The following RNF152 variants were observed in gnomAD, a reference collection of about 807,000 sequenced individuals.
RNF152 encodes ring finger protein 152, also known as E3 ubiquitin-protein ligase RNF152.
In RNF152, 11 loss-of-function variants were observed where a neutral mutation model predicts 12.7. The observed-to-expected ratio is 0.86, with a 90% confidence interval of 0.54 to 1.43. The LOEUF (loss-of-function observed/expected upper bound fraction) is 1.43, where lower values mean the gene tolerates loss of function less well. Ranked by LOEUF, RNF152 falls within the 40% of genes most tolerant of loss-of-function variation. The pLI, the probability that RNF152 is intolerant of heterozygous loss-of-function variation, is 0.00. For synonymous variants in RNF152, 113 were observed against 120.3 expected, an observed-to-expected ratio of 0.94 and a Z score of 0.40; for missense variants, 255 against 274.8, an observed-to-expected ratio of 0.93 and a Z score of 0.51.
At chr18:61,823,304 T>A (rs772453206) in intron 1 of RNF152, among the ~76,000 whole-genome samples, 1 of 152,202 alleles carries the variant, frequency 6.6e-6, no homozygotes, top group African/African-American at 2.4e-5. Flanking sequence ...TTTAAACATG[T>A]TTTTTGTTTT....
Position 61,820,715 on chromosome 18 carries a change from C to T in RNF152, c.-135-4117G>A, listed in dbSNP as rs184657292. Among the ~76,000 whole-genome samples the T allele has an allele frequency of 1.1e-3, 175 of 152,242 alleles. 2 individuals are homozygous for T. Among genetic ancestry groups the T allele is most frequent in the African/African-American group, 4.0e-3 (167 of 41,544 alleles). ...AATGTTTCATGACATCATATCAAAA[C>T]AGTGACCACCGATTTATGTATAAAC... On this transcript the variant is annotated intron_variant, in intron 1 of 1. Transcript: ENST00000312828.
At chr18:61,828,799 G>A (rs1909790207) in intron 1 of RNF152, among the ~76,000 whole-genome samples, 1 of 152,112 alleles carries the variant, frequency 6.6e-6, no homozygotes, top group African/African-American at 2.4e-5. Flanking sequence ...TCTAGGTTTG[G>A]GGAATCTGAA....
chr18:61,893,958 C>T (rs951887187), upstream of RNF152, among the ~76,000 whole-genome samples: 1 of 151,910 alleles, frequency 6.6e-6, no homozygotes, highest in Non-Finnish European at 1.5e-5. Flanking sequence ...CTCCCCTCCC[C>T]GGGACCCTGC....
At chr18:61,869,630 G>C (rs753062322) in intron 1 of RNF152, among the ~76,000 whole-genome samples, 24 of 152,164 alleles carry the variant, frequency 1.6e-4, no homozygotes, top group Non-Finnish European at 3.2e-4. Flanking sequence ...GATCCAGGAG[G>C]GTGCCAGGAA....
chr18:61,868,488 T>C (rs187965838), intron 1 of RNF152, among the ~76,000 whole-genome samples: 26 of 152,064 alleles, frequency 1.7e-4, no homozygotes, highest in South Asian at 2.1e-4. Context: ...GCGGGTGGAT[T>C]ACCCAAGAGT....
intron 1 of RNF152, among the ~76,000 whole-genome samples, chr18:61,891,545 C>T (rs1455050922): frequency 6.6e-6 from 1 of 152,170 alleles, no homozygotes; most frequent in African/African-American, 2.4e-5. Context: ...CTATTGCTGA[C>T]ATAAAAATTA....
intron 1 of RNF152, among the ~76,000 whole-genome samples, chr18:61,884,454 A>G (rs998506879): frequency 1.3e-5 from 2 of 152,204 alleles, no homozygotes; most frequent in African/African-American, 4.8e-5. Flanking sequence ...CAAAAAAAAA[A>G]AAAAGCAGAA....
At chr18:61,833,633 G>A (rs963323073) in intron 1 of RNF152, among the ~76,000 whole-genome samples, 6 of 152,168 alleles carry the variant, frequency 3.9e-5, no homozygotes, top group Non-Finnish European at 7.3e-5. Context: ...TGTTAGTCTC[G>A]TCTGTTTGTT....
intron 1 of RNF152, among the ~76,000 whole-genome samples, chr18:61,860,434 T>C (rs1344940581): frequency 6.6e-6 from 1 of 152,240 alleles, no homozygotes; most frequent in Non-Finnish European, 1.5e-5. Context: ...AAGATTATAA[T>C]GGAGCTGGAA....
At chr18:61,842,382 A>G (rs1472789468) in intron 1 of RNF152, among the ~76,000 whole-genome samples, 2 of 152,204 alleles carry the variant, frequency 1.3e-5, no homozygotes, top group Non-Finnish European at 2.9e-5. Flanking sequence ...ACATTCTTTC[A>G]CATTCCCCAG....
intron 1 of RNF152, 139 bp downstream of exon 1, chr18:61,892,656 A>G (rs1355488534): frequency 6.6e-6 from 1 of 152,242 alleles, no homozygotes; most frequent in Non-Finnish European, 1.5e-5. Context: ...TCTTTGAACC[A>G]GGAGTTTTAG....
intron 1 of RNF152, among the ~76,000 whole-genome samples, chr18:61,869,785 T>C (rs2144734170): frequency 6.6e-6 from 1 of 152,308 alleles, no homozygotes; most frequent in African/African-American, 2.4e-5. Context: ...ACCCGGAAGC[T>C]TATCATCTTC....
At chr18:61,891,228 A>G (rs1292695197) in intron 1 of RNF152, among the ~76,000 whole-genome samples, 1 of 152,174 alleles carries the variant, frequency 6.6e-6, no homozygotes, top group African/African-American at 2.4e-5. Context: ...AGCTAAACAC[A>G]TCTGAGGGTG....
intron 1 of RNF152, among the ~76,000 whole-genome samples, chr18:61,832,488 G>C (rs1188112091): frequency 6.6e-6 from 1 of 152,076 alleles, no homozygotes; most frequent in African/African-American, 2.4e-5. Context: ...TTCCCAAATA[G>C]CTACGCATAC....
intron 1 of RNF152, among the ~76,000 whole-genome samples, chr18:61,873,255 A>T (rs1330802919): frequency 2.0e-5 from 3 of 152,204 alleles, no homozygotes; most frequent in African/African-American, 7.2e-5. Context: ...TATATTAGCA[A>T]TTTTTTTAAC....
intron 1 of RNF152, among the ~76,000 whole-genome samples, chr18:61,882,751 G>T (rs1244926389): frequency 6.6e-6 from 1 of 152,098 alleles, no homozygotes; most frequent in Non-Finnish European, 1.5e-5. Context: ...CTGCTATAGG[G>T]TGGAGCCAGG....
At chr18:61,823,521 A>T (rs1909517321) in intron 1 of RNF152, among the ~76,000 whole-genome samples, 1 of 152,044 alleles carries the variant, frequency 6.6e-6, no homozygotes, top group African/African-American at 2.4e-5. Context: ...CTGGTCTCGA[A>T]CTCCTGACTT....
intron 1 of RNF152, among the ~76,000 whole-genome samples, chr18:61,870,205 T>C (rs896992553): frequency 1.3e-5 from 2 of 152,180 alleles, no homozygotes; most frequent in Middle Eastern, 3.4e-3. Context: ...GATGGGGGTG[T>C]GGAAAGCACA....
At chr18:61,837,603 T>C (rs963113067) in intron 1 of RNF152, among the ~76,000 whole-genome samples, 1 of 152,206 alleles carries the variant, frequency 6.6e-6, no homozygotes, top group South Asian at 2.1e-4. Flanking sequence ...CATCCCCATA[T>C]AACAAAATCC....
Sources: gnomAD v4.1 joint callset for allele counts (sites outside exome capture counted in the v4.1 genomes callset) on GRCh38, gnomAD v4.1.1 for gene constraint, MANE v1.5 for transcripts, NCBI Gene and HGNC (gene_info 2026-07-23, HGNC 2026-07-21) for gene names.